TLE3: variants seen among roughly 807,000 people sequenced by gnomAD.
TLE3 encodes transducin-like enhancer protein 3.
Under a neutral mutation model 93.0 loss-of-function variants are expected in TLE3, and 14 were observed. The ratio of observed to expected loss-of-function variants is 0.15; its 90% CI spans 0.10 to 0.24. The LOEUF is 0.24. Among genes scored for constraint, TLE3 ranks in the 10% least tolerant of loss-of-function variants. The probability of loss-of-function intolerance (pLI) is 1.00; values close to 1 mark genes in which losing one functional copy is unlikely to be tolerated. For missense variants in TLE3, 693 were observed against 1,046.6 expected (o/e 0.66, Z 4.66); for synonymous variants, 451 against 425.0 (o/e 1.06, Z -0.75).
chr15:70,095,930 G>C (rs889320730), intron 2 of TLE3: 5 of 645,922 alleles, frequency 7.7e-6, no homozygotes, highest in Non-Finnish European at 1.3e-5. Context: ...CCCGCTCGCC[G>C]CGACCTAGAC....
At chr15:70,060,915 G>A (rs2056432334) in intron 8 of TLE3, 1 of 463,618 alleles carries the variant, frequency 2.2e-6, no homozygotes, top group Non-Finnish European at 4.1e-6. Context: ...AATTAACCCT[G>A]CAGTAAGCCG....
chr15:70,087,388 C>T (rs2058082429), intron 4 of TLE3, among the ~76,000 whole-genome samples: 1 of 152,186 alleles, frequency 6.6e-6, no homozygotes, highest in African/African-American at 2.4e-5. Flanking sequence ...ATTTTAGCTG[C>T]TAAGATGAAA....
intron 17 of TLE3, 160 bp from the exon 18 acceptor site, chr15:70,052,684 T>C: frequency 1.5e-6 from 1 of 662,936 alleles, no homozygotes; most frequent in Non-Finnish European, 2.3e-6. Context: ...ATCCCCATTT[T>C]ATAGGTGAGA....
rs1332859946 is a variant in TLE3, at chr15:70,097,444, T to TACTGCCGCTGCC, written c.-658_-647dup. ...GAGGAGAGCCTGCTGTTCCGTCTGC[T>TACTGCCGCTGCC]ACTGCCGCTGCCGCCGCCGCCGCCG... On this transcript the variant is annotated 5_prime_UTR_variant, in exon 1 of 20. Coordinates refer to ENST00000451782, the MANE Select transcript of TLE3 (RefSeq NM_001105192.3). 4.8e-6 allele frequency: 2 copies of TACTGCCGCTGCC among 417,450 alleles called. No individual in the cohort carries two copies. Among genetic ancestry groups the TACTGCCGCTGCC allele is most frequent in the Non-Finnish European group, 8.4e-6 (2 of 238,358 alleles). 25.9% of individuals were successfully genotyped at this position (417,450 alleles called of 1,614,324 possible).
chr15:70,074,835 A>G (rs2057362837), intron 5 of TLE3, among the ~76,000 whole-genome samples: 1 of 152,268 alleles, frequency 6.6e-6, no homozygotes, highest in South Asian at 2.1e-4. Context: ...CTTCCTTTTA[A>G]GTTCTAAAAC....
rs2057240289 is a variant in TLE3, at chr15:70,072,585, G to A, written c.372+1948C>T. Among the ~76,000 whole-genome samples the A allele has an allele frequency of 2.6e-5, 4 of 152,336 alleles. 1 individual carries two copies. In the South Asian group the frequency reaches 8.3e-4, roughly 32 times the overall value. On this transcript the variant is annotated intron_variant, in intron 6 of 19. Coordinates refer to ENST00000451782, the MANE Select transcript of TLE3 (RefSeq NM_001105192.3). ...CCTCCAGGGCTGCACCAGGGCCAGG[G>A]GAAGAGCCCTGGGCTGCGAGTCAGC...
In TLE3 at chr15:70,073,903, G is replaced by T. The variant is rs574358522; in HGVS notation, c.372+630C>A. On this transcript the variant is annotated intron_variant, in intron 6 of 19. Coordinates refer to ENST00000451782, the MANE Select transcript of TLE3 (RefSeq NM_001105192.3). ...CACTAAGGGGCCAGTCCGGAAGTGG[G>T]CCTCACAGAGCACTCTTGGGTATGT... Among the ~76,000 whole-genome samples, 9 of 152,364 alleles carry T rather than the reference G, an allele frequency of 5.9e-5. No homozygotes were observed. In the South Asian group the frequency reaches 1.0e-3, roughly 18 times the overall value.
intron 4 of TLE3, chr15:70,079,474 A>C (rs749709935): frequency 2.1e-6 from 1 of 478,894 alleles, no homozygotes; most frequent in South Asian, 1.5e-5. Context: ...AGGGACATGA[A>C]GCAAGCACAT....
intron 4 of TLE3, among the ~76,000 whole-genome samples, chr15:70,083,831 T>C (rs2057911817): frequency 6.6e-6 from 1 of 151,986 alleles, no homozygotes; most frequent in Non-Finnish European, 1.5e-5. Flanking sequence ...GCAGGGACTC[T>C]TTGGAAAACC....
chr15:70,059,361 C>T, intron 10 of TLE3, 49 bp downstream of exon 10: 2 of 1,576,624 alleles, frequency 1.3e-6, no homozygotes, highest in Non-Finnish European at 1.7e-6. Context: ...AGGAATAATT[C>T]CAAACCATGC....
rs568336759 is a variant in TLE3, at chr15:70,095,270, A to G, written c.189+308T>C. 4.7e-6 allele frequency: 6 copies of G among 1,274,740 alleles called. No homozygotes were observed. In the Admixed American group the frequency reaches 1.9e-4, roughly 40 times the overall value. The allele number at this position is 1,274,740 out of a possible 1,614,324, so 79.0% of individuals were successfully genotyped here. A position where few individuals can be genotyped will look rare whatever the true frequency, so the allele number is the denominator to read the frequency against. Reference sequence around the variant, plus strand: ...CCAATCCTATCTTACTAGCCAAGATAGGGCAATGGCAATCAGCCCCTGGGA... The same window carrying G: ...CCAATCCTATCTTACTAGCCAAGATGGGGCAATGGCAATCAGCCCCTGGGA... On this transcript the variant is annotated intron_variant, in intron 3 of 19. Coordinates refer to ENST00000451782, the MANE Select transcript of TLE3 (RefSeq NM_001105192.3).
chr15:70,067,205 G>C (rs1356139477), intron 6 of TLE3, among the ~76,000 whole-genome samples: 3 of 152,168 alleles, frequency 2.0e-5, no homozygotes, highest in Non-Finnish European at 4.4e-5. Context: ...TAGCCTCAGG[G>C]GCTTGGGCTT....
At chr15:70,096,516 G>C in intron 1 of TLE3, 1 of 1,256,102 alleles carries the variant, frequency 8.0e-7, no homozygotes, top group Non-Finnish European at 1.1e-6. Flanking sequence ...CAAGCCGGGT[G>C]AGTTGGGAGA....
chr15:70,064,321 G>A (rs2056679966), intron 8 of TLE3, 133 bp downstream of exon 8: 3 of 1,053,680 alleles, frequency 2.8e-6, no homozygotes, highest in Admixed American at 2.2e-5. Flanking sequence ...AACCCACAGA[G>A]CAGAAGCGGG....
chr15:70,072,730 A>G (rs565671416), intron 6 of TLE3, among the ~76,000 whole-genome samples: 12 of 152,320 alleles, frequency 7.9e-5, no homozygotes, highest in African/African-American at 2.9e-4. Flanking sequence ...CCTCCTATGA[A>G]TATCAGGGTG....
chr15:70,095,260 T>C lies in TLE3; in HGVS notation c.189+318A>G, dbSNP rs972630320. 44 of 1,235,048 alleles carry C rather than the reference T, an allele frequency of 3.6e-5. No homozygotes were observed. The African/African-American group carries it at 6.9e-4, about 19-fold the overall frequency. The allele number at this position is 1,235,048 out of a possible 1,614,324, so 76.5% of individuals were successfully genotyped here. On this transcript the variant is annotated intron_variant, in intron 3 of 19. Coordinates refer to ENST00000451782, the MANE Select transcript of TLE3 (RefSeq NM_001105192.3). ...ATGGGCTGGTCCAATCCTATCTTAC[T>C]AGCCAAGATAGGGCAATGGCAATCA...
At chr15:70,083,692 A>G (rs1481116135) in intron 4 of TLE3, among the ~76,000 whole-genome samples, 1 of 151,290 alleles carries the variant, frequency 6.6e-6, no homozygotes, top group African/African-American at 2.4e-5. Context: ...ACATTATGCA[A>G]ATCTCCCCTT....
chr15:70,095,492 C>A (rs765218891), intron 3 of TLE3, 86 bp downstream of exon 3: 1 of 1,547,236 alleles, frequency 6.5e-7, no homozygotes, highest in South Asian at 1.2e-5. Flanking sequence ...TGGTGGGGAC[C>A]TGGCGCTCAT....
intron 19 of TLE3, chr15:70,051,019 G>A (rs2055483411): frequency 5.7e-6 from 1 of 176,820 alleles, no homozygotes; most frequent in Non-Finnish European, 1.2e-5. Context: ...AGGCAACACT[G>A]CTCTGGGCAA....
Sources: allele counts gnomAD v4.1 joint callset (sites outside exome capture counted in the v4.1 genomes callset), GRCh38; gene constraint gnomAD v4.1.1; transcripts MANE v1.5; gene names NCBI Gene and HGNC (gene_info 2026-07-23, HGNC 2026-07-21).